The following LTA4H variants were observed in gnomAD, a reference collection of about 807,000 sequenced individuals.
The protein encoded by LTA4H is leukotriene A4 hydrolase.
Under a neutral mutation model 89.8 loss-of-function variants are expected in LTA4H, and 59 were observed. The ratio of observed to expected loss-of-function variants is 0.66; its 90% CI spans 0.53 to 0.82. LTA4H has a LOEUF of 0.82. LTA4H is among the 40% of genes least tolerant of loss of function. The pLI is 0.00. For missense variants in LTA4H, 617 were observed against 727.0 expected (o/e 0.85, Z 1.74); for synonymous variants, 227 against 253.1 (o/e 0.90, Z 0.98).
At chr12:96,001,279 A>G (rs1950097834) in intron 18 of LTA4H, among the ~76,000 whole-genome samples, 173 bp from the exon 19 acceptor site, 1 of 152,228 alleles carries the variant, frequency 6.6e-6, no homozygotes. Context: ...GGATGTCAGC[A>G]GGGGTGACAG....
In LTA4H at chr12:96,022,249, C is replaced by T; in HGVS notation, c.483G>A (p.Val161=). 1.3e-6 allele frequency: 2 copies of T among 1,596,954 alleles called. No homozygotes were observed. The highest frequency in any genetic ancestry group is 1.7e-6 in the Non-Finnish European group (2 of 1,165,512). ...GTGCCACCAGTTCTTTAGGGACAGA[C>T]ACCTAATCAAGGAGAAAAATCATTT... ...PSVKLTYTAE[V]SVPKELVALM... is the part of the protein sequence containing the mutation. The change falls in exon 5 of 19, where the codon GTG becomes GTA. Residue 161 remains valine, a splice_region_variant and synonymous_variant. Transcript: ENST00000228740. The surrounding 1 kb of genome is among the most constrained non-coding windows in gnomAD (Gnocchi z 4.0).
chr12:96,014,822 GAAAA>G, intron 12 of LTA4H, 29 bp downstream of exon 12: 1 of 1,479,126 alleles, frequency 6.8e-7, no homozygotes, highest in Non-Finnish European at 9.1e-7. Context: ...CCCTCAAAAA[GAAAA>G]AAAAAATCAT....
chr12:96,027,957 T>G (rs1950530289), intron 2 of LTA4H: 1 of 152,718 alleles, frequency 6.5e-6, no homozygotes. Context: ...AGAGCAGTGC[T>G]AGTCTGCAAA....
chr12:96,006,263 G>T, intron 16 of LTA4H, 51 bp downstream of exon 16: 1 of 1,136,412 alleles, frequency 8.8e-7, no homozygotes. Flanking sequence ...GAACATAAAT[G>T]CTGTGCCTTT....
chr12:96,042,875 C>T (rs7314867), intron 1 of LTA4H, among the ~76,000 whole-genome samples: 51,352 of 152,004 alleles, frequency 0.34, 9,747 homozygotes, highest in Non-Finnish European at 0.43. Context: ...GGATTACAGA[C>T]GTGAGCCACC....
intron 8 of LTA4H, 32 bp from the exon 9 acceptor site, chr12:96,017,612 A>C: frequency 6.4e-7 from 1 of 1,558,616 alleles, no homozygotes; most frequent in Non-Finnish European, 8.8e-7. Context: ...TTAGTATTTT[A>C]GTAATCGAAT....
At chr12:96,006,266 G>T in intron 16 of LTA4H, 48 bp downstream of exon 16, 1 of 1,175,866 alleles carries the variant, frequency 8.5e-7, no homozygotes, top group Non-Finnish European at 1.2e-6. Flanking sequence ...CATAAATGCT[G>T]TGCCTTTCTG....
At chr12:96,032,590 A>T (rs1950587571) in intron 1 of LTA4H, among the ~76,000 whole-genome samples, 1 of 152,232 alleles carries the variant, frequency 6.6e-6, no homozygotes, top group South Asian at 2.1e-4. Flanking sequence ...AATACTAATT[A>T]ACTAATTAAT....
chr12:96,002,633 T>C (rs1230602607), intron 18 of LTA4H, among the ~76,000 whole-genome samples: 3 of 152,222 alleles, frequency 2.0e-5, no homozygotes, highest in African/African-American at 7.2e-5. Flanking sequence ...CTTCAGACTC[T>C]CTTTCTTGTC....
intron 2 of LTA4H, 141 bp downstream of exon 2, chr12:96,028,914 T>C (rs1341823734): frequency 1.7e-6 from 1 of 578,740 alleles, no homozygotes; most frequent in Non-Finnish European, 2.7e-6. Context: ...AACTTTAATC[T>C]GAACAGAAGA....
At chr12:96,010,024 G>C (rs1038062686) in intron 14 of LTA4H, 2 of 152,178 alleles carry the variant, frequency 1.3e-5, no homozygotes, top group African/African-American at 4.8e-5. Context: ...ATTACATGAA[G>C]TGTCAGGCTG....
chr12:96,037,691 G>GC (rs772519996), upstream of LTA4H, among the ~76,000 whole-genome samples: 125 of 136,622 alleles, frequency 9.1e-4, 4 homozygotes, highest in Middle Eastern at 4.1e-3. Flanking sequence ...CATTGAGAAA[G>GC]CTTTTTTTTT....
intron 15 of LTA4H, among the ~76,000 whole-genome samples, chr12:96,006,964 A>G (rs1950212614): frequency 6.6e-6 from 1 of 152,194 alleles, no homozygotes; most frequent in African/African-American, 2.4e-5. Flanking sequence ...AATATTAAAT[A>G]AAGCTTATAA....
chr12:96,033,960 T>A (rs1950605128), intron 1 of LTA4H, among the ~76,000 whole-genome samples: 1 of 152,258 alleles, frequency 6.6e-6, no homozygotes, highest in Admixed American at 6.5e-5. Context: ...ATTTTCTTTC[T>A]TATGGTACTT....
At chr12:96,032,781 G>C (rs1950589861) in intron 1 of LTA4H, among the ~76,000 whole-genome samples, 1 of 152,122 alleles carries the variant, frequency 6.6e-6, no homozygotes, top group South Asian at 2.1e-4. Context: ...CTTTTCTCTA[G>C]ATTTGGGGAA....
chr12:96,020,930 A>T (rs1203259662), intron 6 of LTA4H, among the ~76,000 whole-genome samples, 155 bp downstream of exon 6: 1 of 152,204 alleles, frequency 6.6e-6, no homozygotes, highest in Non-Finnish European at 1.5e-5. Context: ...TGTAAAATTA[A>T]TTTGTTGCCT....
chr12:96,042,144 A>T (rs1400411949), intron 1 of LTA4H, among the ~76,000 whole-genome samples: 1 of 151,548 alleles, frequency 6.6e-6, no homozygotes, highest in African/African-American at 2.4e-5. Flanking sequence ...CACTACGCCG[A>T]GCTAATTTTT....
At chr12:96,004,188 G>A (rs1157566958) in intron 16 of LTA4H, among the ~76,000 whole-genome samples, 1 of 152,102 alleles carries the variant, frequency 6.6e-6, no homozygotes, top group Non-Finnish European at 1.5e-5. Flanking sequence ...AGACTTTTTA[G>A]CATGTATAAA....
intron 15 of LTA4H, among the ~76,000 whole-genome samples, chr12:96,006,614 A>G (rs1325200906): frequency 6.6e-6 from 1 of 152,216 alleles, no homozygotes; most frequent in Non-Finnish European, 1.5e-5. Context: ...TAGAATCTAT[A>G]TTACTTAAGA....
Sources: gnomAD v4.1 joint callset for allele counts (sites outside exome capture counted in the v4.1 genomes callset) on GRCh38, gnomAD v4.1.1 for gene constraint, Gnocchi (gnomAD v3.1) non-coding constraint, MANE v1.5 for transcripts, NCBI Gene and HGNC (gene_info 2026-07-23, HGNC 2026-07-21) for gene names.